PRKN: variants seen among roughly 807,000 people sequenced by gnomAD.
PRKN encodes E3 ubiquitin-protein ligase parkin.
A neutral mutation model predicts 59.5 loss-of-function variants in PRKN; 56 were observed. That is an observed-to-expected ratio of 0.94 (90% CI 0.76 to 1.18). The LOEUF is 1.18. Ranked by LOEUF, PRKN falls within the 50% of genes most tolerant of loss-of-function variation. PRKN has a pLI of 0.00. For missense variants in PRKN, 657 were observed against 596.4 expected, an observed-to-expected ratio of 1.10 and a Z score of -1.06; for synonymous variants, 250 against 222.1, an observed-to-expected ratio of 1.13 and a Z score of -1.12.
At chr6:161,634,576 C>G (rs1194600350) in intron 7 of PRKN, among the ~76,000 whole-genome samples, 1 of 152,158 alleles carries the variant, frequency 6.6e-6, no homozygotes, top group Non-Finnish European at 1.5e-5. Flanking sequence ...ACCCCAAGAA[C>G]AGGCACGAGG....
At chr6:161,842,940 G>GT (rs1351453621) in intron 6 of PRKN, among the ~76,000 whole-genome samples, 1 of 152,140 alleles carries the variant, frequency 6.6e-6, no homozygotes, top group Non-Finnish European at 1.5e-5. Flanking sequence ...GCCAAAATGG[G>GT]TTCAGTATCT....
At chr6:162,328,872 G>A (rs1236785732) in intron 2 of PRKN, among the ~76,000 whole-genome samples, 1 of 152,172 alleles carries the variant, frequency 6.6e-6, no homozygotes, top group Non-Finnish European at 1.5e-5. Flanking sequence ...GTACCAGGTG[G>A]TGCTAGGGCC....
At chr6:161,486,949 G>T (rs1791677586) in intron 9 of PRKN, among the ~76,000 whole-genome samples, 1 of 152,118 alleles carries the variant, frequency 6.6e-6, no homozygotes, top group African/African-American at 2.4e-5. Flanking sequence ...TTTAATTAAG[G>T]AGAGCTCATA....
intron 2 of PRKN, chr6:162,270,136 A>C (rs1409039095): frequency 6.6e-6 from 1 of 152,218 alleles, no homozygotes; most frequent in Non-Finnish European, 1.5e-5. Context: ...TCCACCAATC[A>C]ATGAGTGGAT....
At chr6:161,598,262 C>T (rs1781986011) in intron 7 of PRKN, among the ~76,000 whole-genome samples, 3 of 152,152 alleles carry the variant, frequency 2.0e-5, no homozygotes, top group Admixed American at 2.0e-4. Context: ...AAGCCATAAA[C>T]TCATAGAAAC....
intron 7 of PRKN, among the ~76,000 whole-genome samples, chr6:161,696,507 A>G (rs982297278): frequency 2.0e-5 from 3 of 152,246 alleles, no homozygotes; most frequent in African/African-American, 7.2e-5. Flanking sequence ...ATCTAAGGAT[A>G]TTCCTAAATT....
At position 161,549,081 on chromosome 6, in the gene PRKN, G is replaced by A; in HGVS notation, c.934-78C>T. On this transcript the variant is annotated intron_variant, in intron 8 of 11. Coordinates refer to ENST00000366898, the MANE Select transcript of PRKN (RefSeq NM_004562.3). This position sits in a 1 kb window ranked among gnomAD's most constrained non-coding sequence, Gnocchi z 6.0. Reference sequence around the variant, plus strand: ...CAAAGGGTTAGGAGCTACAGTGCATGGGATTTCTTGCTTAACCAGTTTCAG... The same window carrying A: ...CAAAGGGTTAGGAGCTACAGTGCATAGGATTTCTTGCTTAACCAGTTTCAG... 1.3e-6 allele frequency: 2 copies of A among 1,513,528 alleles called. No individual in the cohort carries two copies. Among genetic ancestry groups the A allele is most frequent in the African/African-American group, 1.4e-5 (1 of 72,900 alleles). 93.8% of individuals were successfully genotyped at this position (1,513,528 alleles called of 1,614,324 possible).
intron 4 of PRKN, among the ~76,000 whole-genome samples, chr6:162,121,486 C>T (rs1040822302): frequency 2.6e-5 from 4 of 152,146 alleles, no homozygotes; most frequent in Admixed American, 2.0e-4. Context: ...CTGCTTTCAC[C>T]CATTTATCAA....
chr6:162,401,544 T>G (rs1787794533), intron 2 of PRKN, among the ~76,000 whole-genome samples: 1 of 152,162 alleles, frequency 6.6e-6, no homozygotes, highest in Non-Finnish European at 1.5e-5. Context: ...TGTAATTTAT[T>G]GAATACTGAA....
Position 162,254,108 on chromosome 6 carries a change from G to A in PRKN, c.412+8417C>T, listed in dbSNP as rs80131284. Among the ~76,000 whole-genome samples, 141 of 152,210 alleles carry A rather than the reference G, an allele frequency of 9.3e-4. 2 individuals carry two copies. The East Asian group carries it at 0.022, about 24-fold the overall frequency. ...GATGCATACACACTTTCTTCTTGCA[G>A]CTAAGGAAGGACCGTCTTTGACTAG... On this transcript the variant is annotated intron_variant, in intron 3 of 11. Transcript: ENST00000366898.
chr6:162,354,823 G>A (rs732435), intron 2 of PRKN, among the ~76,000 whole-genome samples: 36,647 of 151,800 alleles, frequency 0.24, 4,669 homozygotes, highest in Non-Finnish European at 0.25. Flanking sequence ...ATAAGTTGAC[G>A]TATTAGCTTT....
At chr6:161,841,353 C>CT (rs35323590) in intron 6 of PRKN, among the ~76,000 whole-genome samples, 33,579 of 142,850 alleles carry the variant, frequency 0.24, 4,106 homozygotes, top group South Asian at 0.3. Flanking sequence ...TTTCTTTTTC[C>CT]TTTTTTTTTT....
At chr6:161,860,712 A>G (rs535933261) in intron 6 of PRKN, among the ~76,000 whole-genome samples, 2 of 152,286 alleles carry the variant, frequency 1.3e-5, no homozygotes, top group East Asian at 1.9e-4. Context: ...CACTCTGATT[A>G]TAGTTTCTTG....
In PRKN at chr6:161,581,512, G is replaced by C. The variant is rs529517882; in HGVS notation, c.872-12096C>G. Among the ~76,000 whole-genome samples the C allele has an allele frequency of 2.4e-4, 36 of 152,312 alleles. No homozygotes were observed. Among genetic ancestry groups the C allele is most frequent in the African/African-American group, 8.7e-4 (36 of 41,560 alleles). ...AATCTAAAAACACAGATAATGTGCT[G>C]AACGGAAGAAGGTCACGGAAGAGGA... On this transcript the variant is annotated intron_variant, in intron 7 of 11. Coordinates refer to ENST00000366898, the MANE Select transcript of PRKN (RefSeq NM_004562.3). This position sits in a 1 kb window ranked among gnomAD's most constrained non-coding sequence, Gnocchi z 4.5.
chr6:161,760,557 C>A (rs114818463), intron 7 of PRKN, among the ~76,000 whole-genome samples: 1 of 151,680 alleles, frequency 6.6e-6, no homozygotes, highest in South Asian at 2.1e-4. Context: ...GGCTGAGCGC[C>A]GGAAGCCGTC....
intron 2 of PRKN, among the ~76,000 whole-genome samples, chr6:162,436,208 GAATA>G (rs1459044145): frequency 3.1e-5 from 4 of 130,076 alleles, no homozygotes; most frequent in East Asian, 2.2e-4. Flanking sequence ...AAAAAAATTT[GAATA>G]AATTACCAAA....
chr6:162,082,250 C>A lies in PRKN; in HGVS notation c.535-28076G>T, dbSNP rs555077570. Among the ~76,000 whole-genome samples, 97 of 152,182 alleles carry A rather than the reference C, an allele frequency of 6.4e-4. 1 individual carries two copies. The highest frequency in any genetic ancestry group is 2.3e-3 in the African/African-American group (94 of 41,468). On this transcript the variant is annotated intron_variant, in intron 4 of 11. Coordinates refer to ENST00000366898, the MANE Select transcript of PRKN (RefSeq NM_004562.3). ...GGGGAACTTTCCCTGCACAAGCTCT[C>A]TTCTCGTCGGGCACCATGTGAGATG...
chr6:161,414,492 G>A lies in PRKN; in HGVS notation c.1084-27615C>T, dbSNP rs1198131151. ...TCAAATGTTCTCTGATCTCCTGTTC[G>A]AAGCAAATAACAGAGTGCTAAAATC... On this transcript the variant is annotated intron_variant, in intron 9 of 11. Transcript: ENST00000366898. The surrounding 1 kb of genome is among the most constrained non-coding windows in gnomAD (Gnocchi z 5.3). 5.3e-5 allele frequency among the ~76,000 whole-genome samples: 8 copies of A among 152,212 alleles called. No individual in the cohort carries two copies. Among genetic ancestry groups the A allele is most frequent in the Admixed American group, 3.3e-4 (5 of 15,286 alleles).
At chr6:162,310,655 T>G (rs1213354257) in intron 2 of PRKN, among the ~76,000 whole-genome samples, 1 of 151,808 alleles carries the variant, frequency 6.6e-6, no homozygotes, top group Non-Finnish European at 1.5e-5. Flanking sequence ...AATGATGAGT[T>G]AATGGGTGCA....
Sources: allele counts gnomAD v4.1 joint callset (sites outside exome capture counted in the v4.1 genomes callset), GRCh38; gene constraint gnomAD v4.1.1; non-coding constraint Gnocchi (gnomAD v3.1); transcripts MANE v1.5; gene names NCBI Gene and HGNC (gene_info 2026-07-23, HGNC 2026-07-21).